The following TRAPPC9 variants were observed in gnomAD, a reference collection of about 807,000 sequenced individuals.
The protein encoded by TRAPPC9 is IKK2 binding protein.
Under a neutral mutation model 124.0 loss-of-function variants are expected in TRAPPC9, and 83 were observed. The ratio of observed to expected loss-of-function variants is 0.67; its 90% CI spans 0.56 to 0.80. The LOEUF (loss-of-function observed/expected upper bound fraction) is 0.80, where lower values mean the gene tolerates loss of function less well. TRAPPC9 is among the 30% of genes least tolerant of loss of function. The pLI is 0.00. For missense variants in TRAPPC9, 1,302 were observed against 1,508.3 expected (o/e 0.86, Z 2.27); for synonymous variants, 638 against 617.5 (o/e 1.03, Z -0.49).
At chr8:140,019,393 A>G (rs1326112435) in intron 18 of TRAPPC9, among the ~76,000 whole-genome samples, 1 of 152,078 alleles carries the variant, frequency 6.6e-6, no homozygotes, top group Non-Finnish European at 1.5e-5. Flanking sequence ...TCTTTCTTTA[A>G]AAAGCTTCAT....
intron 17 of TRAPPC9, among the ~76,000 whole-genome samples, chr8:140,122,682 A>G (rs1193278415): frequency 6.6e-6 from 1 of 152,192 alleles, no homozygotes; most frequent in Non-Finnish European, 1.5e-5. Flanking sequence ...TCTGTACCTC[A>G]AAGACTGGGT....
chr8:140,037,879 A>AACACAC (rs10560088), intron 17 of TRAPPC9, among the ~76,000 whole-genome samples: 1,748 of 90,664 alleles, frequency 0.019, 78 homozygotes, highest in African/African-American at 0.052. Flanking sequence ...ACACACCTCC[A>AACACAC]ACACACACAC....
chr8:140,053,611 C>T (rs1038994023), intron 17 of TRAPPC9, among the ~76,000 whole-genome samples: 1 of 152,120 alleles, frequency 6.6e-6, no homozygotes, highest in Non-Finnish European at 1.5e-5. Context: ...AACTGATTTC[C>T]TTCCTCATTT....
intron 17 of TRAPPC9, among the ~76,000 whole-genome samples, chr8:140,186,515 G>A (rs2062358176): frequency 1.3e-5 from 2 of 152,060 alleles, no homozygotes; most frequent in Admixed American, 1.3e-4. Flanking sequence ...GAACCCGGGA[G>A]GCAGAGGTTG....
rs1431480886 is a variant in TRAPPC9, at chr8:140,241,161, G to A, written c.2431+11616C>T. 1.3e-5 allele frequency among the ~76,000 whole-genome samples: 2 copies of A among 152,220 alleles called. No individual in the cohort carries two copies. The highest frequency in any genetic ancestry group is 2.9e-5 in the Non-Finnish European group (2 of 68,044). ...CACCTGTAATTCCAGCACTTTAGGA[G>A]GCCGAGGCAGGCAGATCACCTGAGG... On this transcript the variant is annotated intron_variant, in intron 16 of 22. Coordinates refer to ENST00000438773, the MANE Select transcript of TRAPPC9 (RefSeq NM_001160372.4). This position sits in a 1 kb window ranked among gnomAD's most constrained non-coding sequence, Gnocchi z 5.0.
chr8:140,368,337 T>C (rs1443756648), intron 8 of TRAPPC9, among the ~76,000 whole-genome samples: 1 of 152,168 alleles, frequency 6.6e-6, no homozygotes, highest in Non-Finnish European at 1.5e-5. Flanking sequence ...ACACACAAAG[T>C]GCCAAACTCC....
chr8:139,864,245 A>C (rs1457978087), intron 21 of TRAPPC9, among the ~76,000 whole-genome samples: 1 of 152,082 alleles, frequency 6.6e-6, no homozygotes, highest in Non-Finnish European at 1.5e-5. Context: ...TAGCCCATTC[A>C]ATTACTCTTA....
chr8:140,275,819 G>A lies in TRAPPC9; in HGVS notation c.2117C>T (p.Ser706Phe), dbSNP rs1240046718. The change falls in exon 15 of 23, where the codon TCT (serine) becomes TTT (phenylalanine). Residue 706 changes from serine to phenylalanine, a missense_variant and splice_region_variant. Physicochemically the swap from Ser to Phe is radical, Grantham distance 155 (BLOSUM62 -2). Coordinates refer to ENST00000438773, the MANE Select transcript of TRAPPC9 (RefSeq NM_001160372.4). The stretch of plus-strand genomic sequence containing the variant: ...AGAAGAAGGTTGCAATGAATGTGCA[G>A]ATCTAAAATAAGAAGAAGAAATTTA... The part of the protein sequence containing the change: ...RLQISTSLPR[S>F]AHSLQPSSGD... The A allele has an allele frequency of 6.2e-7, 1 of 1,610,828 alleles. No homozygotes were observed. The highest frequency in any genetic ancestry group is 1.7e-5 in the Admixed American group (1 of 60,008).
intron 9 of TRAPPC9, among the ~76,000 whole-genome samples, chr8:140,358,879 T>C (rs2067838579): frequency 6.6e-6 from 1 of 152,172 alleles, no homozygotes; most frequent in African/African-American, 2.4e-5. Flanking sequence ...TACCCTTTCC[T>C]GGGAGCAGTG....
intron 7 of TRAPPC9, among the ~76,000 whole-genome samples, chr8:140,395,644 A>G (rs1451443959): frequency 6.6e-6 from 1 of 152,236 alleles, no homozygotes; most frequent in Non-Finnish European, 1.5e-5. Flanking sequence ...TCTGTAGTCA[A>G]TGCGGCAACA....
chr8:140,156,929 G>GAAAAGCCTCCCTTTTCCATTC lies in TRAPPC9; in HGVS notation c.2556+64529_2556+64530insGAATGGAAAAGGGAGGCTTTT, dbSNP rs1563803794. Reference sequence around the variant, plus strand: ...AGCTATTGTGCTGCAGGAAACATTGGAAAAGCCTCCCTTTCCATTCAAAAG... The same window carrying GAAAAGCCTCCCTTTTCCATTC: ...AGCTATTGTGCTGCAGGAAACATTGGAAAAGCCTCCCTTTTCCATTCAAAAGCCTCCCTTTCCATTCAAAAG... On this transcript the variant is annotated intron_variant, in intron 17 of 22. Transcript: ENST00000438773. Among the ~76,000 whole-genome samples the GAAAAGCCTCCCTTTTCCATTC allele has an allele frequency of 1.1e-4, 16 of 142,182 alleles. 1 individual carries two copies. Among genetic ancestry groups the GAAAAGCCTCCCTTTTCCATTC allele is most frequent in the African/African-American group, 3.7e-4 (14 of 38,250 alleles). The allele number at this position is 142,182 out of a possible 152,430, so 93.3% of individuals were successfully genotyped here. A position where few individuals can be genotyped will look rare whatever the true frequency, so the allele number is the denominator to read the frequency against.
intron 18 of TRAPPC9, among the ~76,000 whole-genome samples, chr8:140,011,670 ATTTTT>A (rs56884853): frequency 0.11 from 7,114 of 62,444 alleles, 654 homozygotes; most frequent in African/African-American, 0.28. Flanking sequence ...CACCCAGCTA[ATTTTT>A]TTTTTTTTTT....
At chr8:139,789,570 T>G (rs1043361695) in intron 21 of TRAPPC9, among the ~76,000 whole-genome samples, 14 of 152,292 alleles carry the variant, frequency 9.2e-5, no homozygotes, top group African/African-American at 3.1e-4. Flanking sequence ...CCAGCATTTT[T>G]GGGCATCTGC....
At chr8:140,355,556 C>A (rs1260422601) in intron 9 of TRAPPC9, among the ~76,000 whole-genome samples, 1 of 152,074 alleles carries the variant, frequency 6.6e-6, no homozygotes, top group Non-Finnish European at 1.5e-5. Flanking sequence ...TTCTGGTAGA[C>A]CTTAAAAAGA....
chr8:140,055,111 C>G (rs774593991), intron 17 of TRAPPC9, among the ~76,000 whole-genome samples: 2 of 152,138 alleles, frequency 1.3e-5, no homozygotes, highest in African/African-American at 4.8e-5. Context: ...GGCTAATAAC[C>G]CTGATTAACA....
Position 140,012,007 on chromosome 8 carries a change from T to G in TRAPPC9, c.2699+11930A>C, listed in dbSNP as rs182066819. ...TTGCATTTTTAGTAGAGATGGGGTT[T>G]CACTATGTTGACCAGGATGATCTTG... On this transcript the variant is annotated intron_variant, in intron 18 of 22. Coordinates refer to ENST00000438773, the MANE Select transcript of TRAPPC9 (RefSeq NM_001160372.4). 2.1e-4 allele frequency among the ~76,000 whole-genome samples: 32 copies of G among 152,240 alleles called. No homozygotes were observed. In the East Asian group the frequency reaches 6.2e-3, roughly 29 times the overall value.
In TRAPPC9 at chr8:140,063,725, G is replaced by A. The variant is rs1842761074; in HGVS notation, c.2557-39646C>T. Reference sequence around the variant, plus strand: ...TAACTAGAAATATTTCTGCTTTTGAGGAATTGCTCTGTGTTTCCTTAAGAG... The same window carrying A: ...TAACTAGAAATATTTCTGCTTTTGAAGAATTGCTCTGTGTTTCCTTAAGAG... On this transcript the variant is annotated intron_variant, in intron 17 of 22. Transcript: ENST00000438773. The surrounding 1 kb of genome is among the most constrained non-coding windows in gnomAD (Gnocchi z 4.3). Among the ~76,000 whole-genome samples the A allele has an allele frequency of 6.6e-6, 1 of 152,168 alleles. No homozygotes were observed. Among genetic ancestry groups the A allele is most frequent in the South Asian group, 2.1e-4 (1 of 4,818 alleles).
chr8:140,369,416 C>T (rs2068214451), intron 8 of TRAPPC9, among the ~76,000 whole-genome samples: 1 of 152,206 alleles, frequency 6.6e-6, no homozygotes, highest in South Asian at 2.1e-4. Flanking sequence ...CAACACACTG[C>T]ATGGCATGGG....
chr8:139,918,593 C>T (rs1164094078), intron 19 of TRAPPC9, among the ~76,000 whole-genome samples: 1 of 152,232 alleles, frequency 6.6e-6, no homozygotes, highest in African/African-American at 2.4e-5. Context: ...CTCAGCCAGA[C>T]ACCGCCTTCC....
Sources: allele counts gnomAD v4.1 joint callset (sites outside exome capture counted in the v4.1 genomes callset), GRCh38; gene constraint gnomAD v4.1.1; non-coding constraint Gnocchi (gnomAD v3.1); transcripts MANE v1.5; gene names NCBI Gene and HGNC (gene_info 2026-07-23, HGNC 2026-07-21).